Variants in SOD1 observed in about 807,000 individuals in gnomAD.
SOD1 encodes the protein superoxide dismutase 1, also known as superoxide dismutase [Cu-Zn].
A neutral mutation model predicts 15.9 loss-of-function variants in SOD1; 8 were observed. That is an observed-to-expected ratio of 0.50 (90% CI 0.30 to 0.91). The LOEUF is 0.91. Ranked by LOEUF, SOD1 falls within the 40% of genes least tolerant of loss-of-function variation. The probability of loss-of-function intolerance (pLI) is 0.07; values close to 1 mark genes in which losing one functional copy is unlikely to be tolerated. For missense variants in SOD1, 137 were observed against 194.5 expected (o/e 0.70, Z 1.76); for synonymous variants, 86 against 71.2 (o/e 1.21, Z -1.04).
At chr21:31,666,763 T>C (rs17880318) in intron 3 of SOD1, 70 of 543,990 alleles carry the variant, frequency 1.3e-4, no homozygotes, top group African/African-American at 1.1e-3. Context: ...ATAGAACTAA[T>C]ACAAGTGCCA....
rs1189788384 is a variant in SOD1 at position 31,668,488 on chromosome 21, TG to T, written c.376del (p.Asp126ThrfsTer24). On this transcript the variant is annotated frameshift_variant, in exon 5 of 5. Coordinates refer to ENST00000270142, the MANE Select transcript of SOD1 (RefSeq NM_000454.5). LOFTEE classifies it high-confidence loss of function. ...RTLVVHEKAD[D>X]LGKGGNEEST... ...TTTTACAGGTCCATGAAAAAGCAGA[TG>T]ACTTGGGCAAAGGTGGAAATGAAGA... 1 of 1,613,786 alleles carries T rather than the reference TG, an allele frequency of 6.2e-7. No homozygotes were observed. The highest frequency in any genetic ancestry group is 8.5e-7 in the Non-Finnish European group (1 of 1,179,818).
chr21:31,665,715 CA>C (rs1472633070), intron 2 of SOD1, among the ~76,000 whole-genome samples: 4 of 152,192 alleles, frequency 2.6e-5, no homozygotes, highest in African/African-American at 9.6e-5. Flanking sequence ...GGCCCTTGCA[CA>C]TAAGATGCTG....
Position 31,667,307 on chromosome 21 carries a change from G to C in SOD1, c.289G>C (p.Asp97His). Residue 97 changes from aspartate to histidine, a missense_variant, in exon 4 of 5, where the codon GAT becomes CAT. By Grantham distance (81) the Asp-to-His change is moderately conservative. Coordinates refer to ENST00000270142, the MANE Select transcript of SOD1 (RefSeq NM_000454.5). ...NVTADKDGVA[D>H]VSIEDSVISL... is the part of the protein sequence containing the mutation. ...GACTGCTGACAAAGATGGTGTGGCC[G>C]ATGTGTCTATTGAAGATTCTGTGAT... 6.2e-7 allele frequency: 1 copy of C among 1,614,090 alleles called. No homozygotes were observed.
At chr21:31,664,762 G>A (rs1044733081) in intron 2 of SOD1, among the ~76,000 whole-genome samples, 7 of 152,042 alleles carry the variant, frequency 4.6e-5, no homozygotes, top group African/African-American at 1.5e-4. Context: ...GGGACTACAG[G>A]TGCCCGCCAC....
At chr21:31,667,036 A>G (rs758434127) in intron 3 of SOD1, 2 of 590,614 alleles carry the variant, frequency 3.4e-6, no homozygotes, top group Non-Finnish European at 6.1e-6. Flanking sequence ...TCAGTAACTG[A>G]GAGTTTACCC....
intron 3 of SOD1, 65 bp from the exon 4 acceptor site, chr21:31,667,193 C>A: frequency 7.9e-7 from 1 of 1,273,082 alleles, no homozygotes; most frequent in Non-Finnish European, 1.1e-6. Flanking sequence ...TTTAATTTAG[C>A]TCATGAACTA....
chr21:31,664,170 A>G (rs1055771795), intron 2 of SOD1: 3 of 382,414 alleles, frequency 7.8e-6, no homozygotes, highest in Non-Finnish European at 1.5e-5. Context: ...GTGGGGTTTC[A>G]TCATGTTGCC....
chr21:31,667,390 A>G lies in SOD1; in HGVS notation c.357+15A>G. The stretch of plus-strand genomic sequence containing the variant: ...GCACACTGGTGGTAAGTTTTCATAA[A>G]AGGATATGCATAAAACTTCTTCTAA... On this transcript the variant is annotated intron_variant, in intron 4 of 4. Coordinates refer to ENST00000270142, the MANE Select transcript of SOD1 (RefSeq NM_000454.5). 6.6e-7 allele frequency: 1 copy of G among 1,524,346 alleles called. No individual in the cohort carries two copies. The highest frequency in any genetic ancestry group is 2.2e-5 in the East Asian group (1 of 44,486). 94.4% of individuals were successfully genotyped at this position (1,524,346 alleles called of 1,614,324 possible). A position where few individuals can be genotyped will look rare whatever the true frequency, so the allele number is the denominator to read the frequency against.
intron 4 of SOD1, among the ~76,000 whole-genome samples, chr21:31,667,844 C>T (rs17881732): frequency 6.6e-6 from 1 of 152,138 alleles, no homozygotes; most frequent in African/African-American, 2.4e-5. Flanking sequence ...CTGGTTCTTG[C>T]AAAACACCAA....
rs16988412 is a variant in SOD1, at chr21:31,668,827, T to C, written c.*249T>C. 55 of 473,728 alleles carry C rather than the reference T, an allele frequency of 1.2e-4. No individual in the cohort carries two copies. Among genetic ancestry groups the C allele is most frequent in the Non-Finnish European group, 1.9e-4 (50 of 259,744 alleles). The allele number at this position is 473,728 out of a possible 1,614,324, so 29.3% of individuals were successfully genotyped here. Reference sequence around the variant, plus strand: ...TATTTTGCCAGACTTAAATCACAGATGGGTATTAAACTTGTCAGAATTTCT... The same window carrying C: ...TATTTTGCCAGACTTAAATCACAGACGGGTATTAAACTTGTCAGAATTTCT... On this transcript the variant is annotated 3_prime_UTR_variant, in exon 5 of 5. Coordinates refer to ENST00000270142, the MANE Select transcript of SOD1 (RefSeq NM_000454.5).
At position 31,659,823 on chromosome 21, in the gene SOD1, C is replaced by A. The variant is rs1447729350; in HGVS notation, c.54C>A (p.Ile18=). Residue 18 remains isoleucine, a synonymous_variant, in exon 1 of 5, where the codon ATC becomes ATA. Coordinates refer to ENST00000270142, the MANE Select transcript of SOD1 (RefSeq NM_000454.5). ...AGGGCGACGGCCCAGTGCAGGGCAT[C>A]ATCAATTTCGAGCAGAAGGCAAGGG... The part of the protein sequence containing the change: ...VLKGDGPVQG[I]INFEQKESNG... 6.2e-7 allele frequency: 1 copy of A among 1,613,744 alleles called. No homozygotes were observed. The highest frequency in any genetic ancestry group is 8.5e-7 in the Non-Finnish European group (1 of 1,179,882).
intron 2 of SOD1, 140 bp downstream of exon 2, chr21:31,664,026 C>T: frequency 2.9e-6 from 2 of 681,604 alleles, no homozygotes; most frequent in Non-Finnish European, 5.3e-6. Context: ...GGCTGGAGTG[C>T]AGTGGCGCTG....
At chr21:31,668,160 A>G (rs1205999598) in intron 4 of SOD1, among the ~76,000 whole-genome samples, 1 of 152,184 alleles carries the variant, frequency 6.6e-6, no homozygotes, top group Non-Finnish European at 1.5e-5. Flanking sequence ...CTGCGGAACT[A>G]AGGTTACTGT....
At chr21:31,665,784 G>C (rs1375553675) in intron 2 of SOD1, among the ~76,000 whole-genome samples, 4 of 152,180 alleles carry the variant, frequency 2.6e-5, no homozygotes, top group African/African-American at 7.2e-5. Flanking sequence ...GGCATATGTT[G>C]CTGGGGAGAT....
chr21:31,668,328 C>T (rs1050110154), intron 4 of SOD1, 143 bp from the exon 5 acceptor site: 1 of 651,380 alleles, frequency 1.5e-6, no homozygotes, highest in South Asian at 1.7e-5. Flanking sequence ...TACTTTTAAA[C>T]TACTAAATAT....
chr21:31,664,648 TTAC>T (rs2049578031), intron 2 of SOD1, among the ~76,000 whole-genome samples: 1 of 152,150 alleles, frequency 6.6e-6, no homozygotes, highest in African/African-American at 2.4e-5. Flanking sequence ...AGACGGAGTC[TTAC>T]TCTGTGGCCC....
At chr21:31,663,340 CAAAATA>C (rs2049565605) in intron 1 of SOD1, among the ~76,000 whole-genome samples, 3 of 151,900 alleles carry the variant, frequency 2.0e-5, no homozygotes, top group Admixed American at 6.6e-5. Context: ...ACTCTTGTCT[CAAAATA>C]AAAAACGTTT....
rs910155762 is a variant in SOD1, at chr21:31,668,742, C to T, written c.*164C>T. The stretch of plus-strand genomic sequence containing the variant: ...CTGTAGTGAGAAACTGATTTATGAT[C>T]ACTTGGAAGATTTGTATAGTTTTAT... On this transcript the variant is annotated 3_prime_UTR_variant, in exon 5 of 5. Coordinates refer to ENST00000270142, the MANE Select transcript of SOD1 (RefSeq NM_000454.5). 6.2e-6 allele frequency: 4 copies of T among 642,320 alleles called. No homozygotes were observed. The highest frequency in any genetic ancestry group is 5.0e-5 in the Admixed American group (2 of 39,776). The allele number at this position is 642,320 out of a possible 1,614,324, so 39.8% of individuals were successfully genotyped here. A position where few individuals can be genotyped will look rare whatever the true frequency, so the allele number is the denominator to read the frequency against.
rs369600566 is a variant in SOD1 at position 31,668,460 on chromosome 21, A to T, written c.358-11A>T. ...GACAGCCCAAAGTTATCTTCTTAAA[A>T]TTTTTTACAGGTCCATGAAAAAGCA... On this transcript the variant is annotated splice_polypyrimidine_tract_variant and intron_variant, in intron 4 of 4. Coordinates refer to ENST00000270142, the MANE Select transcript of SOD1 (RefSeq NM_000454.5). 6.2e-7 allele frequency: 1 copy of T among 1,610,200 alleles called. No homozygotes were observed.
Sources: gnomAD v4.1 joint callset for allele counts (sites outside exome capture counted in the v4.1 genomes callset) on GRCh38, gnomAD v4.1.1 for gene constraint, MANE v1.5 for transcripts, NCBI Gene and HGNC (gene_info 2026-07-23, HGNC 2026-07-21) for gene names.